CPNE4: variants seen among roughly 807,000 people sequenced by gnomAD.
CPNE4 encodes copine 4.
Under a neutral mutation model 67.9 loss-of-function variants are expected in CPNE4, and 25 were observed. The observed-to-expected ratio is 0.37, with a 90% confidence interval of 0.27 to 0.51. The LOEUF (loss-of-function observed/expected upper bound fraction) is 0.51, where lower values mean the gene tolerates loss of function less well. Among genes scored for constraint, CPNE4 ranks in the 20% least tolerant of loss-of-function variants. The pLI is 0.93. For missense variants in CPNE4, 464 were observed against 690.8 expected (o/e 0.67, Z 3.68); for synonymous variants, 242 against 244.9 (o/e 0.99, Z 0.11).
intron 1 of CPNE4, chr3:131,985,927 G>A (rs1314999906): frequency 6.5e-6 from 1 of 154,110 alleles, no homozygotes; most frequent in African/African-American, 2.4e-5. Flanking sequence ...GCCTAAACAA[G>A]ATCAGACAAT....
At chr3:131,565,761 C>A (rs549862493) in intron 10 of CPNE4, among the ~76,000 whole-genome samples, 1 of 150,222 alleles carries the variant, frequency 6.7e-6, no homozygotes, top group Admixed American at 6.6e-5. Flanking sequence ...TTTCAGAATA[C>A]CCAGATTTCT....
At chr3:131,564,848 G>A (rs1936972957) in intron 10 of CPNE4, among the ~76,000 whole-genome samples, 1 of 152,000 alleles carries the variant, frequency 6.6e-6, no homozygotes, top group African/African-American at 2.4e-5. Flanking sequence ...AGATGTGTTA[G>A]AGTGGTTATA....
intron 11 of CPNE4, among the ~76,000 whole-genome samples, chr3:131,563,394 A>G (rs1936890318): frequency 6.6e-6 from 1 of 152,054 alleles, no homozygotes; most frequent in Admixed American, 6.6e-5. Context: ...GCATGCACCT[A>G]AATTCCTTTA....
chr3:131,770,465 G>A (rs1459399521), intron 2 of CPNE4, among the ~76,000 whole-genome samples: 3 of 152,216 alleles, frequency 2.0e-5, no homozygotes, highest in Non-Finnish European at 4.4e-5. Context: ...CAAATTCAGT[G>A]AGGCAGACGA....
chr3:131,981,742 C>T (rs2072914568), intron 1 of CPNE4, among the ~76,000 whole-genome samples: 1 of 152,204 alleles, frequency 6.6e-6, no homozygotes, highest in Non-Finnish European at 1.5e-5. Flanking sequence ...GGAGACCCAG[C>T]AAGCTCCCAG....
intron 2 of CPNE4, among the ~76,000 whole-genome samples, chr3:131,804,032 G>A (rs1161358463): frequency 1.3e-5 from 2 of 152,096 alleles, no homozygotes; most frequent in African/African-American, 4.8e-5. Flanking sequence ...AATATCTAGA[G>A]TCAATTAGTC....
intron 7 of CPNE4, among the ~76,000 whole-genome samples, chr3:131,625,413 C>T (rs2079049757): frequency 6.6e-6 from 1 of 152,072 alleles, no homozygotes; most frequent in African/African-American, 2.4e-5. Context: ...TTAAAAGCAT[C>T]CAAAATTAGG....
At chr3:131,550,112 CAG>C in intron 13 of CPNE4, 32 bp from the exon 14 acceptor site, 1 of 1,610,174 alleles carries the variant, frequency 6.2e-7, no homozygotes, top group African/African-American at 1.3e-5. Context: ...TCAACAGCTC[CAG>C]AGTCACTCCA....
At chr3:131,902,813 G>GT (rs376741355) in intron 2 of CPNE4, among the ~76,000 whole-genome samples, 3 of 151,934 alleles carry the variant, frequency 2.0e-5, no homozygotes, top group African/African-American at 7.3e-5. Context: ...ATTCCATTTA[G>GT]TTTTGTTAAA....
At chr3:131,881,846 AAT>A (rs1338812092) in intron 2 of CPNE4, among the ~76,000 whole-genome samples, 4 of 152,192 alleles carry the variant, frequency 2.6e-5, no homozygotes, top group Non-Finnish European at 5.9e-5. Context: ...GAAGTGGTCA[AAT>A]TTATTCCATG....
At chr3:131,835,474 A>G (rs2085518616) in intron 2 of CPNE4, among the ~76,000 whole-genome samples, 1 of 152,088 alleles carries the variant, frequency 6.6e-6, no homozygotes, top group Non-Finnish European at 1.5e-5. Flanking sequence ...GATTGCAGTG[A>G]GCCAAGTTCG....
chr3:131,860,083 C>A (rs2086612649), intron 2 of CPNE4, among the ~76,000 whole-genome samples: 1 of 152,142 alleles, frequency 6.6e-6, no homozygotes, highest in South Asian at 2.1e-4. Context: ...ACCCCAAAGT[C>A]ATTATTTAGA....
At chr3:131,646,876 G>C (rs948252902) in intron 7 of CPNE4, among the ~76,000 whole-genome samples, 1 of 152,218 alleles carries the variant, frequency 6.6e-6, no homozygotes, top group African/African-American at 2.4e-5. Context: ...TCTGGGCTCT[G>C]TTGCTGCTAG....
intron 2 of CPNE4, among the ~76,000 whole-genome samples, chr3:131,787,981 C>T (rs1225941863): frequency 6.6e-6 from 1 of 151,994 alleles, no homozygotes; most frequent in African/African-American, 2.4e-5. Context: ...GATTAATTAG[C>T]ACTTGTATCA....
chr3:131,702,655 G>A (rs993957279), intron 3 of CPNE4, among the ~76,000 whole-genome samples: 1 of 152,202 alleles, frequency 6.6e-6, no homozygotes, highest in Non-Finnish European at 1.5e-5. Flanking sequence ...GCATTAGCAG[G>A]TGTGGGTAGA....
chr3:131,786,191 T>C (rs1163568099), intron 2 of CPNE4, among the ~76,000 whole-genome samples: 1 of 152,154 alleles, frequency 6.6e-6, no homozygotes, highest in East Asian at 1.9e-4. Flanking sequence ...GTTCCTCTTC[T>C]TCATTTCTGG....
chr3:131,773,013 G>C (rs1372754692), intron 2 of CPNE4, among the ~76,000 whole-genome samples: 2 of 152,118 alleles, frequency 1.3e-5, no homozygotes, highest in African/African-American at 2.4e-5. Context: ...ACTAACACTT[G>C]GGTAGATGAC....
At chr3:131,928,556 G>A (rs1279778996) in intron 1 of CPNE4, among the ~76,000 whole-genome samples, 1 of 152,110 alleles carries the variant, frequency 6.6e-6, no homozygotes, top group Non-Finnish European at 1.5e-5. Context: ...CAACATCCTG[G>A]CAGTGACTAG....
At chr3:131,897,144 T>C (rs1477633410) in intron 2 of CPNE4, among the ~76,000 whole-genome samples, 3 of 151,980 alleles carry the variant, frequency 2.0e-5, no homozygotes, top group Admixed American at 2.0e-4. Context: ...CTAGTGGTAA[T>C]TCGTTGGGTT....
Sources: gnomAD v4.1 joint callset for allele counts (sites outside exome capture counted in the v4.1 genomes callset) on GRCh38, gnomAD v4.1.1 for gene constraint, MANE v1.5 for transcripts, NCBI Gene and HGNC (gene_info 2026-07-23, HGNC 2026-07-21) for gene names.